Variants in PARD3 observed in about 807,000 individuals in gnomAD.
PARD3 encodes the protein partitioning defective 3 homolog.
In PARD3, 75 loss-of-function variants were observed where a neutral mutation model predicts 155.4. That is an observed-to-expected ratio of 0.48 (90% CI 0.40 to 0.58). The LOEUF (loss-of-function observed/expected upper bound fraction) is 0.58, where lower values mean the gene tolerates loss of function less well. Ranked by LOEUF, PARD3 falls within the 20% of genes least tolerant of loss-of-function variation. The pLI is 0.00. For synonymous variants in PARD3, 576 were observed against 610.5 expected, an observed-to-expected ratio of 0.94 and a Z score of 0.83; for missense variants, 1,642 against 1,721.7, an observed-to-expected ratio of 0.95 and a Z score of 0.82.
intron 2 of PARD3, among the ~76,000 whole-genome samples, chr10:34,667,026 G>A (rs184822435): frequency 1.6e-4 from 24 of 151,776 alleles, no homozygotes; most frequent in Admixed American, 9.8e-4. Flanking sequence ...AAAATTAGCC[G>A]ACGTGGTGGC....
intron 2 of PARD3, among the ~76,000 whole-genome samples, chr10:34,519,426 TATA>T (rs762699718): frequency 8.5e-5 from 13 of 152,320 alleles, no homozygotes; most frequent in Admixed American, 1.3e-4. Flanking sequence ...TTTTAAATGT[TATA>T]ATATTTTTAA....
intron 1 of PARD3, among the ~76,000 whole-genome samples, chr10:34,807,730 G>C (rs1237944242): frequency 6.6e-6 from 1 of 151,942 alleles, no homozygotes; most frequent in Non-Finnish European, 1.5e-5. Context: ...ATACAGAATA[G>C]AGTACAGAGA....
At chr10:34,664,952 G>C (rs2100040744) in intron 2 of PARD3, among the ~76,000 whole-genome samples, 1 of 151,914 alleles carries the variant, frequency 6.6e-6, no homozygotes. Flanking sequence ...AGACAGTACA[G>C]AACTGCTTCC....
chr10:34,150,892 C>A (rs1173882747), intron 22 of PARD3, among the ~76,000 whole-genome samples: 1 of 152,206 alleles, frequency 6.6e-6, no homozygotes, highest in Non-Finnish European at 1.5e-5. Context: ...AACCTTCCTA[C>A]TTCCTCAATG....
chr10:34,438,450 T>C (rs2076296746), intron 5 of PARD3, among the ~76,000 whole-genome samples: 2 of 152,204 alleles, frequency 1.3e-5, no homozygotes, highest in Non-Finnish European at 2.9e-5. Context: ...TTCATTTATT[T>C]ACCTATAATC....
chr10:34,426,049 C>T (rs960879510), intron 5 of PARD3, among the ~76,000 whole-genome samples: 3 of 152,004 alleles, frequency 2.0e-5, no homozygotes, highest in African/African-American at 7.3e-5. Flanking sequence ...AGAGTCAATA[C>T]TAAAGAAATA....
intron 22 of PARD3, among the ~76,000 whole-genome samples, chr10:34,224,776 G>C: frequency 6.6e-6 from 1 of 152,160 alleles, no homozygotes. Flanking sequence ...AGGGTTTCCA[G>C]GTTTTCTTAG....
intron 1 of PARD3, among the ~76,000 whole-genome samples, chr10:34,755,412 C>CA (rs930036990): frequency 1.3e-5 from 2 of 149,524 alleles, no homozygotes; most frequent in Non-Finnish European, 1.5e-5. Flanking sequence ...AACTCTGTCT[C>CA]AAAAAAAATA....
intron 5 of PARD3, among the ~76,000 whole-genome samples, chr10:34,411,919 CGTGTGTGTGTGTGTGTGT>C (rs61517279): frequency 6.4e-5 from 9 of 141,170 alleles, no homozygotes; most frequent in East Asian, 2.1e-4. Context: ...ATAAGCTAGT[CGTGTGTGTGTGTGTGTGT>C]GTGTGTGTGT....
chr10:34,171,266 C>G (rs888674934), intron 22 of PARD3, among the ~76,000 whole-genome samples: 1 of 152,166 alleles, frequency 6.6e-6, no homozygotes, highest in Non-Finnish European at 1.5e-5. Flanking sequence ...TCAGCTCAAA[C>G]TGAAACGCTC....
chr10:34,170,392 A>G (rs748105), intron 22 of PARD3, among the ~76,000 whole-genome samples: 35,687 of 152,152 alleles, frequency 0.23, 4,341 homozygotes, highest in Middle Eastern at 0.36. Context: ...GGCCCTTAGG[A>G]AACTTCTTCA....
chr10:34,502,616 C>T (rs1452883153), intron 3 of PARD3, among the ~76,000 whole-genome samples: 1 of 151,978 alleles, frequency 6.6e-6, no homozygotes, highest in African/African-American at 2.4e-5. Context: ...CTACATATAC[C>T]CTGCTTTCCA....
intron 1 of PARD3, among the ~76,000 whole-genome samples, chr10:34,764,883 T>C (rs1194731031): frequency 1.3e-5 from 2 of 152,244 alleles, no homozygotes; most frequent in Admixed American, 6.5e-5. Flanking sequence ...CAAAGTACTG[T>C]TAAGATGAAA....
chr10:34,396,057 TA>T (rs1450708342), intron 7 of PARD3, among the ~76,000 whole-genome samples: 2 of 151,878 alleles, frequency 1.3e-5, no homozygotes, highest in African/African-American at 2.4e-5. Flanking sequence ...ATTCTTATTT[TA>T]AAAAACTTAA....
At chr10:34,728,361 G>A (rs1338589134) in intron 1 of PARD3, among the ~76,000 whole-genome samples, 2 of 152,070 alleles carry the variant, frequency 1.3e-5, no homozygotes, top group African/African-American at 4.8e-5. Flanking sequence ...ATTTCTGAAC[G>A]TTTTTGTAAT....
intron 2 of PARD3, among the ~76,000 whole-genome samples, chr10:34,606,847 G>A (rs1248304386): frequency 1.3e-5 from 2 of 150,884 alleles, no homozygotes; most frequent in East Asian, 3.9e-4. Context: ...CACGCCTGTA[G>A]TCCCAGCTAC....
chr10:34,292,540 A>C (rs1248534573), intron 20 of PARD3, among the ~76,000 whole-genome samples: 1 of 152,186 alleles, frequency 6.6e-6, no homozygotes, highest in Non-Finnish European at 1.5e-5. Context: ...GCGCTTTTGT[A>C]AGACAGGATG....
intron 5 of PARD3, among the ~76,000 whole-genome samples, chr10:34,405,979 T>C (rs149771017): frequency 4.3e-4 from 65 of 152,292 alleles, no homozygotes; most frequent in African/African-American, 1.4e-3. Context: ...AGACTTCTGT[T>C]CTGTGTGTGT....
At chr10:34,640,521 C>G (rs1159325604) in intron 2 of PARD3, among the ~76,000 whole-genome samples, 7 of 151,014 alleles carry the variant, frequency 4.6e-5, no homozygotes, top group African/African-American at 1.5e-4. Context: ...GGGGGCCTGT[C>G]TAACATGGTG....
Sources: allele counts gnomAD v4.1 joint callset (sites outside exome capture counted in the v4.1 genomes callset), GRCh38; gene constraint gnomAD v4.1.1; transcripts MANE v1.5; gene names NCBI Gene and HGNC (gene_info 2026-07-23, HGNC 2026-07-21).